Variants in CPNE8 observed in about 807,000 individuals in gnomAD.
The protein encoded by CPNE8 is copine-8.
In CPNE8, 45 loss-of-function variants were observed where a neutral mutation model predicts 81.5. The observed-to-expected ratio is 0.55, with a 90% confidence interval of 0.44 to 0.71. CPNE8 has a LOEUF of 0.71. Ranked by LOEUF, CPNE8 falls within the 30% of genes least tolerant of loss-of-function variation. The pLI is 0.00. For missense variants in CPNE8, 594 were observed against 672.1 expected, an observed-to-expected ratio of 0.88 and a Z score of 1.28; for synonymous variants, 252 against 226.3, an observed-to-expected ratio of 1.11 and a Z score of -1.02.
chr12:38,688,654 A>G (rs1939598358), intron 15 of CPNE8, among the ~76,000 whole-genome samples: 1 of 151,904 alleles, frequency 6.6e-6, no homozygotes, highest in Admixed American at 6.6e-5. Flanking sequence ...ATAAAAAGGA[A>G]TGGAATAATG....
intron 10 of CPNE8, among the ~76,000 whole-genome samples, chr12:38,756,501 A>G (rs1005697164): frequency 6.6e-6 from 1 of 151,970 alleles, no homozygotes. Flanking sequence ...CTACAGCCAC[A>G]CGCCACCATG....
intron 6 of CPNE8, among the ~76,000 whole-genome samples, chr12:38,789,716 C>G (rs1277965879): frequency 6.6e-6 from 1 of 151,562 alleles, no homozygotes; most frequent in Non-Finnish European, 1.5e-5. Context: ...GATTCATAAT[C>G]AGAATACATA....
At chr12:38,710,268 C>CA (rs57376063) in intron 13 of CPNE8, among the ~76,000 whole-genome samples, 3,766 of 50,328 alleles carry the variant, frequency 0.075, 348 homozygotes, top group East Asian at 0.3. Flanking sequence ...AATAAGCTAA[C>CA]AAAAAAAAAA....
At chr12:38,796,666 T>A (rs1402710775) in intron 6 of CPNE8, among the ~76,000 whole-genome samples, 1 of 152,120 alleles carries the variant, frequency 6.6e-6, no homozygotes, top group Non-Finnish European at 1.5e-5. Flanking sequence ...ACCAGGTTCA[T>A]CTCACTAGGG....
intron 2 of CPNE8, among the ~76,000 whole-genome samples, chr12:38,874,039 A>G (rs1944028972): frequency 1.3e-5 from 2 of 151,588 alleles, no homozygotes; most frequent in South Asian, 4.2e-4. Flanking sequence ...GGCTCAGGCA[A>G]TAGTCCTGCT....
chr12:38,798,265 A>T (rs1942555019), intron 6 of CPNE8, among the ~76,000 whole-genome samples: 1 of 152,156 alleles, frequency 6.6e-6, no homozygotes, highest in African/African-American at 2.4e-5. Context: ...ACCAAAGTTG[A>T]AATGAAGGAA....
At chr12:38,838,696 AT>A (rs1394091699) in intron 5 of CPNE8, among the ~76,000 whole-genome samples, 4 of 152,076 alleles carry the variant, frequency 2.6e-5, no homozygotes, top group Non-Finnish European at 5.9e-5. Context: ...TTGTTGCAGC[AT>A]TTTTTTCAAC....
At chr12:38,725,177 C>A (rs1250748426) in intron 11 of CPNE8, among the ~76,000 whole-genome samples, 3 of 152,074 alleles carry the variant, frequency 2.0e-5, no homozygotes, top group Non-Finnish European at 4.4e-5. Context: ...ATGATAGAGA[C>A]CTTTAACATC....
At chr12:38,892,779 T>C (rs1565665794) in intron 1 of CPNE8, among the ~76,000 whole-genome samples, 1 of 152,170 alleles carries the variant, frequency 6.6e-6, no homozygotes. Flanking sequence ...TAAATGATTT[T>C]TTAAAAGTAA....
At chr12:38,791,488 G>A (rs902033087) in intron 6 of CPNE8, among the ~76,000 whole-genome samples, 2 of 151,400 alleles carry the variant, frequency 1.3e-5, no homozygotes, top group Non-Finnish European at 3.0e-5. Flanking sequence ...TAAAAATAGA[G>A]AAGAGAGTAC....
At chr12:38,723,915 A>G in intron 12 of CPNE8, 82 bp from the exon 13 acceptor site, 1 of 789,814 alleles carries the variant, frequency 1.3e-6, no homozygotes, top group Non-Finnish European at 2.2e-6. Context: ...AGAAAATCAT[A>G]TTTCTTTGCA....
Position 38,795,858 on chromosome 12 carries a change from TGG to T in CPNE8, c.408-19559_408-19558del, listed in dbSNP as rs761020339. Among the ~76,000 whole-genome samples, 289 of 131,270 alleles carry T rather than the reference TGG, an allele frequency of 2.2e-3. 3 individuals are homozygous for T. The highest frequency in any genetic ancestry group is 3.5e-3 in the Non-Finnish European group (217 of 62,024). The allele number at this position is 131,270 out of a possible 152,430, so 86.1% of individuals were successfully genotyped here. On this transcript the variant is annotated intron_variant, in intron 6 of 19. Transcript: ENST00000331366. ...TTAAAATGGTAAATATGATGATAGA[TGG>T]ATGGATGGATAGATAGATAGATAGA...
chr12:38,721,832 G>A (rs1940572636), intron 13 of CPNE8, among the ~76,000 whole-genome samples: 1 of 152,162 alleles, frequency 6.6e-6, no homozygotes, highest in African/African-American at 2.4e-5. Flanking sequence ...AGCTGCTTGT[G>A]GTGCGTCTGG....
chr12:38,764,566 G>A (rs1332210509), intron 8 of CPNE8, among the ~76,000 whole-genome samples: 1 of 133,470 alleles, frequency 7.5e-6, no homozygotes, highest in Non-Finnish European at 1.5e-5. Flanking sequence ...GCAGTGAGCC[G>A]AGATCCCGCC....
chr12:38,679,617 A>G, intron 16 of CPNE8: 1 of 985,028 alleles, frequency 1.0e-6, no homozygotes, highest in Non-Finnish European at 1.2e-6. Flanking sequence ...TTTAGTCTTT[A>G]TCACCTTCGG....
intron 10 of CPNE8, among the ~76,000 whole-genome samples, chr12:38,754,173 G>A (rs1348244305): frequency 6.6e-6 from 1 of 152,134 alleles, no homozygotes; most frequent in Non-Finnish European, 1.5e-5. Context: ...AATGAACACA[G>A]AAGGGCTTTC....
intron 18 of CPNE8, among the ~76,000 whole-genome samples, chr12:38,671,530 TAA>T (rs1250326019): frequency 6.6e-6 from 1 of 152,180 alleles, no homozygotes; most frequent in Non-Finnish European, 1.5e-5. Context: ...TAGGGTTTAT[TAA>T]GTTTTCAGTG....
chr12:38,787,185 A>T (rs1942213167), intron 6 of CPNE8, among the ~76,000 whole-genome samples: 1 of 152,148 alleles, frequency 6.6e-6, no homozygotes, highest in Non-Finnish European at 1.5e-5. Flanking sequence ...GATCATTCTC[A>T]AGGATGGACC....
chr12:38,773,926 T>C (rs937324895), intron 7 of CPNE8, among the ~76,000 whole-genome samples: 1 of 152,034 alleles, frequency 6.6e-6, no homozygotes, highest in Non-Finnish European at 1.5e-5. Context: ...AAACATAAGA[T>C]GAAGTTACAC....
Sources: gnomAD v4.1 joint callset for allele counts (sites outside exome capture counted in the v4.1 genomes callset) on GRCh38, gnomAD v4.1.1 for gene constraint, MANE v1.5 for transcripts, NCBI Gene and HGNC (gene_info 2026-07-23, HGNC 2026-07-21) for gene names.